The following KMT2D variants were observed in gnomAD, a reference collection of about 807,000 sequenced individuals.
KMT2D encodes the protein lysine methyltransferase 2D.
KMT2D carries 55 observed loss-of-function variants against 512.7 expected under a neutral mutation model. That is an observed-to-expected ratio of 0.11 (90% confidence interval 0.09 to 0.13). KMT2D has a LOEUF of 0.13. KMT2D is among the 10% of genes least tolerant of loss of function. The pLI, the probability that KMT2D is intolerant of heterozygous loss-of-function variation, is 1.00. For missense variants in KMT2D, 6,061 were observed against 7,127.9 expected, an observed-to-expected ratio of 0.85 and a Z score of 5.39; for synonymous variants, 2,995 against 2,904.0, an observed-to-expected ratio of 1.03 and a Z score of -1.01.
rs1195849154 is a variant in KMT2D at position 49,032,794 on chromosome 12, G to GCTGCTGCTGTTGAAA, written c.11896_11910dup (p.Phe3966_Gln3970dup). ...TTTAAAAGGCCCATCTGCTGCTGTT[G>GCTGCTGCTGTTGAAA]CTGCTGCTGTTGAAACTGCTGCTGT... On this transcript the variant is annotated inframe_insertion, in exon 40 of 55. Coordinates refer to ENST00000301067, the MANE Select transcript of KMT2D (RefSeq NM_003482.4). The GCTGCTGCTGTTGAAA allele has an allele frequency of 3.2e-6, 5 of 1,553,526 alleles. No individual in the cohort carries two copies. Among genetic ancestry groups the GCTGCTGCTGTTGAAA allele is most frequent in the South Asian group, 1.2e-5 (1 of 84,340 alleles).
In KMT2D at chr12:49,041,089, GTGGAATTCCCCTGGC is replaced by G; in HGVS notation, c.6666_6680del (p.Gln2222_Phe2226del). The G allele has an allele frequency of 9.1e-6, 14 of 1,534,634 alleles. No individual in the cohort carries two copies. The highest frequency in any genetic ancestry group is 9.6e-6 in the Non-Finnish European group (11 of 1,144,390). ...GTCTGGGGGTGCCAGGTGGGGTAGT[GTGGAATTCCCCTGGC>G]TGGCCAGCCCCAGGACGAGATGAGG... On this transcript the variant is annotated inframe_deletion, in exon 32 of 55. Coordinates refer to ENST00000301067, the MANE Select transcript of KMT2D (RefSeq NM_003482.4). The surrounding 1 kb of genome is among the most constrained non-coding windows in gnomAD (Gnocchi z 5.4).
At chr12:49,036,358 C>G (rs1004397652) in intron 35 of KMT2D, among the ~76,000 whole-genome samples, 7 of 151,488 alleles carry the variant, frequency 4.6e-5, no homozygotes, top group African/African-American at 1.5e-4. Context: ...GTTGCCCAGC[C>G]TGAAGTGCAA....
chr12:49,050,268 C>T lies in KMT2D; in HGVS notation c.3320G>A (p.Ser1107Asn), dbSNP rs763782742. The T allele has an allele frequency of 1.2e-6, 2 of 1,611,890 alleles. No homozygotes were observed. The highest frequency in any genetic ancestry group is 1.7e-4 in the Middle Eastern group (1 of 6,060). Reference protein sequence around the residue: ...PMGDLSCPAPSPAPALDDFSG... With the variant: ...PMGDLSCPAPNPAPALDDFSG... Reference sequence around the variant, plus strand: ...GAAGTCATCCAGGGCTGGGGCAGGGCTGGGGGCGGGGCAGGAAAGGTCCCC... The same window carrying T: ...GAAGTCATCCAGGGCTGGGGCAGGGTTGGGGGCGGGGCAGGAAAGGTCCCC... The change falls in exon 12 of 55, where the codon AGC becomes AAC. Residue 1107 changes from serine (S) to asparagine (N), a missense_variant. This residue lies in a region of KMT2D where 447 missense variants were observed against 500.1 expected (regional missense o/e 0.89). Coordinates refer to ENST00000301067, the MANE Select transcript of KMT2D (RefSeq NM_003482.4).
chr12:49,056,846 A>G (rs1368615288), intron 1 of KMT2D, among the ~76,000 whole-genome samples: 1 of 152,170 alleles, frequency 6.6e-6, no homozygotes, highest in Non-Finnish European at 1.5e-5. Flanking sequence ...TCAATTCCCT[A>G]AGAACTACAA....
At chr12:49,053,725 T>C in intron 6 of KMT2D, 84 bp from the exon 7 acceptor site, 1 of 1,430,400 alleles carries the variant, frequency 7.0e-7, no homozygotes, top group Non-Finnish European at 9.4e-7. Flanking sequence ...AGGCACTCCA[T>C]GGGCACAGAA....
In KMT2D at chr12:49,019,681, T is replaced by G. The variant is rs1048495281; in HGVS notation, c.*2099A>C. ...AAAGGAACATCCAAGGGCTGTGGCT[T>G]TGAGGGCAGCAGCCCAGTCTTCCTA... On this transcript the variant is annotated 3_prime_UTR_variant, in exon 55 of 55. Coordinates refer to ENST00000301067, the MANE Select transcript of KMT2D (RefSeq NM_003482.4). 3 of 231,842 alleles carry G rather than the reference T, an allele frequency of 1.3e-5. No individual in the cohort carries two copies. The highest frequency in any genetic ancestry group is 2.6e-5 in the Non-Finnish European group (3 of 116,888). 14.4% of individuals were successfully genotyped at this position (231,842 alleles called of 1,614,324 possible).
chr12:49,032,023 G>C lies in KMT2D; in HGVS notation c.12682C>G (p.Gln4228Glu), dbSNP rs745466012. The C allele has an allele frequency of 1.5e-4, 242 of 1,610,820 alleles. No homozygotes were observed. The highest frequency in any genetic ancestry group is 2.0e-4 in the Non-Finnish European group (235 of 1,177,906). Residue 4228 changes from glutamine (Q) to glutamate (E), a missense_variant, in exon 40 of 55, where the codon CAG becomes GAG. This residue lies in a region of KMT2D where 1,600 missense variants were observed against 1,754.9 expected (regional missense o/e 0.91). Coordinates refer to ENST00000301067, the MANE Select transcript of KMT2D (RefSeq NM_003482.4). ...QQQQLQALLM[Q>E]RQLQQSQAVR... Reference sequence around the variant, plus strand: ...GCCTGACTCTGCTGCAGCTGCCGCTGCATGAGGAGTGCCTGTAGCTGCTGC... The same window carrying C: ...GCCTGACTCTGCTGCAGCTGCCGCTCCATGAGGAGTGCCTGTAGCTGCTGC...
Position 49,022,380 on chromosome 12 carries a change from G to C in KMT2D, c.16339-27C>G, listed in dbSNP as rs2137705323. On this transcript the variant is annotated intron_variant, in intron 52 of 54. Coordinates refer to ENST00000301067, the MANE Select transcript of KMT2D (RefSeq NM_003482.4). This position sits in a 1 kb window ranked among gnomAD's most constrained non-coding sequence, Gnocchi z 8.6. ...TAGAAAGGCAGAGGTTGCAGAAGAA[G>C]GGACAAGAGTATCAGAGAGTGGCAG... The C allele has an allele frequency of 1.3e-6, 2 of 1,593,252 alleles. No homozygotes were observed. The highest frequency in any genetic ancestry group is 1.7e-4 in the Middle Eastern group (1 of 6,034).
chr12:49,032,960 C>T lies in KMT2D; in HGVS notation c.11745G>A (p.Gln3915=), dbSNP rs1943020554. The T allele has an allele frequency of 6.4e-7, 1 of 1,550,788 alleles. No individual in the cohort carries two copies. The highest frequency in any genetic ancestry group is 2.0e-5 in the Admixed American group (1 of 50,994). ...GTTGCTGTTGTAGCTGCTGCTGCTG[C>T]TGCTGCTGAAGTTGCTGTTGCTGTT... ...QLQQQQQLQQ[Q]QQQQLQQQQQ... Residue 3915 remains glutamine (Q), a synonymous_variant, in exon 40 of 55, where the codon CAG becomes CAA. Transcript: ENST00000301067.
Position 49,031,936 on chromosome 12 carries a change from G to A in KMT2D, c.12769C>T (p.Leu4257=). 4.5e-6 allele frequency: 7 copies of A among 1,542,004 alleles called. No individual in the cohort carries two copies. The highest frequency in any genetic ancestry group is 6.1e-6 in the Non-Finnish European group (7 of 1,144,898). Residue 4257 remains leucine, a synonymous_variant, in exon 40 of 55, where the codon CTG becomes TTG. Transcript: ENST00000301067. ...CCCCCAAGTTGAGGTTGGCAGCCCAGGAGGCCCTGGAGGGGAGAGGTCTGG... is the reference window on the plus strand; with the variant it reads ...CCCCCAAGTTGAGGTTGGCAGCCCAAGAGGCCCTGGAGGGGAGAGGTCTGG... ...GTQTSPLQGL[L]GCQPQLGGFP...
intron 37 of KMT2D, 52 bp downstream of exon 37, chr12:49,034,530 G>A: frequency 1.9e-6 from 3 of 1,611,916 alleles, no homozygotes; most frequent in South Asian, 1.1e-5. Context: ...GCCCTAAGAA[G>A]GGTGGCCCAG....
At position 49,022,207 on chromosome 12, in the gene KMT2D, T is replaced by C; in HGVS notation, c.16413-56A>G. ...GGCAACTAACTTGGGACAATTTTGA[T>C]TCCTTGTTCGTCTATCCCCCAGAGT... On this transcript the variant is annotated intron_variant, in intron 53 of 54. Coordinates refer to ENST00000301067, the MANE Select transcript of KMT2D (RefSeq NM_003482.4). The surrounding 1 kb of genome is among the most constrained non-coding windows in gnomAD (Gnocchi z 8.6). 2.5e-6 allele frequency: 4 copies of C among 1,603,192 alleles called. No homozygotes were observed. Among genetic ancestry groups the C allele is most frequent in the Non-Finnish European group, 3.4e-6 (4 of 1,170,170 alleles).
rs369429157 is a variant in KMT2D at position 49,039,516 on chromosome 12, A to G, written c.8148T>C (p.Pro2716=). The G allele has an allele frequency of 2.7e-4, 436 of 1,612,110 alleles. No homozygotes were observed. The African/African-American group carries it at 5.1e-3, about 19-fold the overall frequency. The change falls in exon 33 of 55, where the codon CCT becomes CCC. Residue 2716 remains proline, a synonymous_variant. Transcript: ENST00000301067. This position sits in a 1 kb window ranked among gnomAD's most constrained non-coding sequence, Gnocchi z 5.0. ...TAAAAAGAVG[P]PGSWGAEPSS... ...TGGGCTCAGCACCCCAGCTGCCTGG[A>G]GGCCCCACTGCTCCTGCAGCTGCTG...
intron 51 of KMT2D, among the ~76,000 whole-genome samples, 164 bp from the exon 52 acceptor site, chr12:49,023,039 G>T (rs550899226): frequency 3.3e-5 from 5 of 152,124 alleles, no homozygotes; most frequent in African/African-American, 9.7e-5. Context: ...AGGCAACTGG[G>T]TCTCAGCTCT....
rs1212015994 is a variant in KMT2D, at chr12:49,053,472, C to T, written c.839+4G>A. On this transcript the variant is annotated splice_donor_region_variant and intron_variant, in intron 7 of 54. Transcript: ENST00000301067. ...AGACTTTCCTCCTGCCCTTCCATTC[C>T]TACCTGCAGGCTTGGCACACTTTGC... 4 of 1,611,148 alleles carry T rather than the reference C, an allele frequency of 2.5e-6. No homozygotes were observed. Among genetic ancestry groups the T allele is most frequent in the Non-Finnish European group, 3.4e-6 (4 of 1,178,350 alleles).
chr12:49,046,594 T>G lies in KMT2D; in HGVS notation c.4418+15A>C, dbSNP rs1592146458. 1.2e-6 allele frequency: 2 copies of G among 1,605,216 alleles called. No homozygotes were observed. Among genetic ancestry groups the G allele is most frequent in the Non-Finnish European group, 1.7e-6 (2 of 1,173,996 alleles). On this transcript the variant is annotated intron_variant, in intron 16 of 54. Coordinates refer to ENST00000301067, the MANE Select transcript of KMT2D (RefSeq NM_003482.4). The surrounding 1 kb of genome is among the most constrained non-coding windows in gnomAD (Gnocchi z 4.2). The stretch of plus-strand genomic sequence containing the variant: ...CAAGGCCCCAGGGCTCCACTGAAGA[T>G]CCCAGTCTCCTTACCACTTGCACTT...
At chr12:49,025,011 C>A (rs1942504954) in intron 49 of KMT2D, 65 bp from the exon 50 acceptor site, 2 of 1,537,816 alleles carry the variant, frequency 1.3e-6, no homozygotes, top group Non-Finnish European at 1.8e-6. Flanking sequence ...CAGTCCCTAA[C>A]CCCAATCCAG....
At chr12:49,047,560 G>A (rs1437877813) in intron 15 of KMT2D, among the ~76,000 whole-genome samples, 1 of 150,130 alleles carries the variant, frequency 6.7e-6, no homozygotes, top group Non-Finnish European at 1.5e-5. Context: ...TGAGATTACA[G>A]GCACGCGCTA....
At position 49,042,164 on chromosome 12, in the gene KMT2D, A is replaced by G. The variant is rs1943568236; in HGVS notation, c.6034T>C (p.Leu2012=). The stretch of plus-strand genomic sequence containing the variant: ...GGTGAGATGGTGGACAGCTGGCCCA[A>G]CTCCTCATCCTTCTCCCAGCGCTGA... ...SLQRWEKDEE[L]GQLSTISPVL... is the part of the protein sequence containing the mutation. Residue 2012 remains leucine (L), a synonymous_variant, in exon 29 of 55, where the codon TTG becomes CTG. Coordinates refer to ENST00000301067, the MANE Select transcript of KMT2D (RefSeq NM_003482.4). This position sits in a 1 kb window ranked among gnomAD's most constrained non-coding sequence, Gnocchi z 4.4. 1.2e-6 allele frequency: 2 copies of G among 1,612,598 alleles called. No homozygotes were observed. The highest frequency in any genetic ancestry group is 1.3e-5 in the African/African-American group (1 of 74,804).
Sources: gnomAD v4.1 joint callset for allele counts (sites outside exome capture counted in the v4.1 genomes callset) on GRCh38, gnomAD v4.1.1 for gene constraint, gnomAD v4.1.1 regional missense constraint, Gnocchi (gnomAD v3.1) non-coding constraint, MANE v1.5 for transcripts, NCBI Gene and HGNC (gene_info 2026-07-23, HGNC 2026-07-21) for gene names.